Variants in RBP4 observed in about 807,000 individuals in gnomAD.
RBP4 encodes the protein retinol binding protein 4.
In RBP4, 9 loss-of-function variants were observed where a neutral mutation model predicts 26.2. The ratio of observed to expected loss-of-function variants is 0.34; its 90% CI spans 0.21 to 0.60. The LOEUF is 0.60. Ranked by LOEUF, RBP4 falls within the 20% of genes least tolerant of loss-of-function variation. The pLI is 0.80. For synonymous variants in RBP4, 114 were observed against 111.0 expected (o/e 1.03, Z -0.17); for missense variants, 244 against 271.3 (o/e 0.90, Z 0.71).
At chr10:93,598,798 C>T (rs1266884785) in intron 4 of RBP4, among the ~76,000 whole-genome samples, 1 of 152,182 alleles carries the variant, frequency 6.6e-6, no homozygotes, top group African/African-American at 2.4e-5. Context: ...TTTCCTCTTT[C>T]TAAAAATTAA....
chr10:93,600,767 G>A lies in RBP4; in HGVS notation c.148C>T (p.Pro50Ser). 1 of 1,611,830 alleles carries A rather than the reference G, an allele frequency of 6.2e-7. No homozygotes were observed. Among genetic ancestry groups the A allele is most frequent in the Non-Finnish European group, 8.5e-7 (1 of 1,179,000 alleles). The change falls in exon 3 of 6, where the codon CCC becomes TCC. Residue 50 changes from proline to serine, a missense_variant. Transcript: ENST00000371464. ...GTWYAMAKKD[P>S]EGLFLQDNIV... ...TTGTCCTGCAGAAAGAGGCCCTCGG[G>A]GTCCTTCTTGGCCATGGCGTACCAG...
upstream of RBP4, chr10:93,601,565 A>G: frequency 3.0e-6 from 2 of 674,588 alleles, no homozygotes; most frequent in Non-Finnish European, 5.4e-6. Flanking sequence ...AGGAGGCTCG[A>G]GTCAACCTGG....
chr10:93,601,458 G>A, upstream of RBP4: 1 of 1,004,292 alleles, frequency 1.0e-6, no homozygotes, highest in Non-Finnish European at 1.4e-6. Context: ...CCTCGGCCAG[G>A]CCAAATGCGC....
chr10:93,601,200 G>A lies in RBP4; in HGVS notation c.-48C>T. The stretch of plus-strand genomic sequence containing the variant: ...GGGAGGGGAACCGCGCGCAAGCCTG[G>A]CCGCCGAGTCCGGGCGCGCGTGGAG... On this transcript the variant is annotated 5_prime_UTR_variant, in exon 1 of 6. Coordinates refer to ENST00000371464, the MANE Select transcript of RBP4 (RefSeq NM_006744.4). 1 of 1,343,308 alleles carries A rather than the reference G, an allele frequency of 7.4e-7. No homozygotes were observed. Among genetic ancestry groups the A allele is most frequent in the Non-Finnish European group, 9.5e-7 (1 of 1,056,558 alleles). 83.2% of individuals were successfully genotyped at this position (1,343,308 alleles called of 1,614,324 possible).
chr10:93,600,603 A>C, intron 3 of RBP4, 64 bp downstream of exon 3: 4 of 1,612,752 alleles, frequency 2.5e-6, no homozygotes, highest in Admixed American at 1.7e-5. Context: ...CGTGGCGATC[A>C]GCAGGCAGGG....
upstream of RBP4, chr10:93,601,300 G>T (rs911754522): frequency 2.6e-5 from 32 of 1,215,896 alleles, no homozygotes; most frequent in Non-Finnish European, 3.3e-5. Flanking sequence ...TTTCGTAACC[G>T]CGCGGGGTGA....
rs748595106 is a variant in RBP4 at position 93,600,992 on chromosome 10, G to C, written c.37C>G (p.Leu13Val). 2 of 1,612,074 alleles carry C rather than the reference G, an allele frequency of 1.2e-6. No individual in the cohort carries two copies. The highest frequency in any genetic ancestry group is 2.7e-5 in the African/African-American group (2 of 74,914). Residue 13 changes from leucine to valine, a missense_variant, in exon 2 of 6, where the codon CTG becomes GTG. Leu to Val is a conservative substitution (Grantham distance 32). Coordinates refer to ENST00000371464, the MANE Select transcript of RBP4 (RefSeq NM_006744.4). ...TCGCGCTCCGCGCGGCCGCTGCCCA[G>C]CGCCGCCAACAGCAAGAGCGCCCAC... The part of the protein sequence containing the change: ...WVWALLLLAA[L>V]GSGRAERDCR...
intron 4 of RBP4, among the ~76,000 whole-genome samples, chr10:93,598,961 T>G (rs2134573296): frequency 6.6e-6 from 1 of 152,342 alleles, no homozygotes; most frequent in African/African-American, 2.4e-5. Context: ...TTCTAAGCTT[T>G]TTCTCTACCA....
At chr10:93,597,727 C>T (rs1461463634) in intron 4 of RBP4, among the ~76,000 whole-genome samples, 1 of 152,192 alleles carries the variant, frequency 6.6e-6, no homozygotes, top group African/African-American at 2.4e-5. Flanking sequence ...TTCATGATCG[C>T]TTGGCCCTGA....
rs34812400 is a variant in RBP4 at position 93,594,010 on chromosome 10, T to C, written c.381A>G (p.Thr127=). The change falls in exon 5 of 6, where the codon ACA becomes ACG. Residue 127 remains threonine, a synonymous_variant. Coordinates refer to ENST00000371464, the MANE Select transcript of RBP4 (RefSeq NM_006744.4). ...KGNDDHWIVD[T]DYDTYAVQYS... is the part of the protein sequence containing the mutation. ...ACTGCACGGCATACGTGTCGTAGTC[T>C]GTGTCGACGATCCAGTGGTCATCAT... The C allele has an allele frequency of 8.1e-3, 13,066 of 1,613,704 alleles. 694 individuals carry two copies. The African/African-American group carries it at 0.14, about 17-fold the overall frequency.
At chr10:93,592,147 A>C (rs773644215) in intron 5 of RBP4, 35 bp from the exon 6 acceptor site, 2 of 1,603,076 alleles carry the variant, frequency 1.2e-6, no homozygotes, top group Admixed American at 3.3e-5. Flanking sequence ...TAACGACAGA[A>C]AGTGGACCCA....
intron 4 of RBP4, among the ~76,000 whole-genome samples, chr10:93,599,835 C>T (rs987643418): frequency 2.6e-4 from 40 of 152,316 alleles, no homozygotes; most frequent in African/African-American, 9.4e-4. Context: ...TCACTCCCCT[C>T]CACATCTGAT....
chr10:93,601,122 C>A, intron 1 of RBP4, 49 bp downstream of exon 1: 1 of 1,510,792 alleles, frequency 6.6e-7, no homozygotes, highest in Non-Finnish European at 8.8e-7. Flanking sequence ...CACCCCACCC[C>A]ACCCCGGCCC....
chr10:93,600,556 C>T, intron 3 of RBP4, 57 bp from the exon 4 acceptor site: 1 of 1,612,368 alleles, frequency 6.2e-7, no homozygotes, highest in Non-Finnish European at 8.5e-7. Context: ...CTCCCTCCCT[C>T]CACCCATTCG....
At chr10:93,599,632 C>T (rs1409746321) in intron 4 of RBP4, among the ~76,000 whole-genome samples, 1 of 152,148 alleles carries the variant, frequency 6.6e-6, no homozygotes, top group Non-Finnish European at 1.5e-5. Flanking sequence ...TGAACCCCCT[C>T]CAAAAGGTTA....
rs2058334258 is a variant in RBP4 at position 93,600,985 on chromosome 10, C to T, written c.44G>A (p.Ser15Asn). Residue 15 changes from serine to asparagine, a missense_variant, in exon 2 of 6, where the codon AGC becomes AAC. Physicochemically the swap from Ser to Asn is conservative, Grantham distance 46. Transcript: ENST00000371464. ...WALLLLAALG[S>N]GRAERDCRVS... ...TCGGCAGTCGCGCTCCGCGCGGCCG[C>T]TGCCCAGCGCCGCCAACAGCAAGAG... 1 of 1,612,266 alleles carries T rather than the reference C, an allele frequency of 6.2e-7. No homozygotes were observed.
rs757269973 is a variant in RBP4 at position 93,592,124 on chromosome 10, A to T, written c.569-12T>A. The T allele has an allele frequency of 3.7e-6, 6 of 1,613,966 alleles. No homozygotes were observed. Among genetic ancestry groups the T allele is most frequent in the Non-Finnish European group, 5.1e-6 (6 of 1,179,792 alleles). On this transcript the variant is annotated splice_polypyrimidine_tract_variant and intron_variant, in intron 5 of 5. Coordinates refer to ENST00000371464, the MANE Select transcript of RBP4 (RefSeq NM_006744.4). The stretch of plus-strand genomic sequence containing the variant: ...GCCATCGCAGTAACCTGGAAAATAC[A>T]AAACAAAGCCATTAACGACAGAAAG...
rs775444964 is a variant in RBP4, at chr10:93,600,519, C to T, written c.249-20G>A. On this transcript the variant is annotated intron_variant, in intron 3 of 5. Transcript: ENST00000371464. ...CAGTTACTGCAAAAGCCAAGGGGAT[C>T]CTCAGCCAAGCCGGGCAAAGGGCTT... The T allele has an allele frequency of 1.2e-6, 2 of 1,613,990 alleles. No individual in the cohort carries two copies. Among genetic ancestry groups the T allele is most frequent in the South Asian group, 1.1e-5 (1 of 91,078 alleles).
intron 4 of RBP4, among the ~76,000 whole-genome samples, chr10:93,597,179 C>T (rs905034282): frequency 6.6e-6 from 1 of 152,150 alleles, no homozygotes; most frequent in African/African-American, 2.4e-5. Context: ...TTAACAAGCA[C>T]CCTAGTGTAT....
Sources: gnomAD v4.1 joint callset for allele counts (sites outside exome capture counted in the v4.1 genomes callset) on GRCh38, gnomAD v4.1.1 for gene constraint, MANE v1.5 for transcripts, NCBI Gene and HGNC (gene_info 2026-07-23, HGNC 2026-07-21) for gene names.